Variants in ASTN1 observed in about 807,000 individuals in gnomAD.
ASTN1 encodes the protein astrotactin-1.
In ASTN1, 41 loss-of-function variants were observed where a neutral mutation model predicts 140.7. The observed-to-expected ratio is 0.29, with a 90% CI of 0.23 to 0.38. ASTN1 has a LOEUF of 0.38. Ranked by LOEUF, ASTN1 falls within the 10% of genes least tolerant of loss-of-function variation. The pLI is 1.00. For missense variants in ASTN1, 1,479 were observed against 1,678.8 expected (o/e 0.88, Z 2.08); for synonymous variants, 640 against 652.2 (o/e 0.98, Z 0.29).
intron 8 of ASTN1, among the ~76,000 whole-genome samples, chr1:176,993,987 G>T (rs1454655835): frequency 6.6e-6 from 1 of 151,944 alleles, no homozygotes; most frequent in Non-Finnish European, 1.5e-5. Flanking sequence ...CCATATCAGT[G>T]ACTCATTTAG....
Position 176,869,027 on chromosome 1 carries a change from T to C in ASTN1, c.3464A>G (p.Glu1155Gly), listed in dbSNP as rs1226448880. ...CPVVDDVKAQ[E>G]IADKIYNLFN... is the part of the protein sequence containing the mutation. ...GAGATTGTAGATCTTGTCTGCTATT[T>C]CTGAGGAAGGAGGAAAAGGAAAATA... Residue 1155 changes from glutamate (E) to glycine (G), a missense_variant and splice_region_variant, in exon 22 of 23, where the codon GAA (glutamate) becomes GGA (glycine). Coordinates refer to ENST00000361833, the MANE Select transcript of ASTN1 (RefSeq NM_004319.3). 1 of 1,577,302 alleles carries C rather than the reference T, an allele frequency of 6.3e-7. No individual in the cohort carries two copies. Among genetic ancestry groups the C allele is most frequent in the Admixed American group, 1.8e-5 (1 of 56,542 alleles).
At chr1:177,162,172 T>G (rs536847485) in intron 1 of ASTN1, among the ~76,000 whole-genome samples, 1 of 152,266 alleles carries the variant, frequency 6.6e-6, no homozygotes, top group East Asian at 1.9e-4. Context: ...CCACAAAAGT[T>G]AAATTCAAAA....
chr1:176,927,356 G>A (rs6696032), intron 16 of ASTN1, among the ~76,000 whole-genome samples: 4,343 of 152,174 alleles, frequency 0.029, 197 homozygotes, highest in African/African-American at 0.098. Flanking sequence ...AAGAAAAGGC[G>A]TTGGCAAAGG....
chr1:176,903,946 T>A (rs1669874954), intron 16 of ASTN1, among the ~76,000 whole-genome samples: 1 of 152,200 alleles, frequency 6.6e-6, no homozygotes, highest in Non-Finnish European at 1.5e-5. Flanking sequence ...CTCACACTAA[T>A]CTTGGCCTCA....
At chr1:177,079,920 AT>A (rs1679095639) in intron 1 of ASTN1, among the ~76,000 whole-genome samples, 1 of 152,078 alleles carries the variant, frequency 6.6e-6, no homozygotes, top group Non-Finnish European at 1.5e-5. Flanking sequence ...TAAAAATGTA[AT>A]TCTTTGTATT....
intron 1 of ASTN1, among the ~76,000 whole-genome samples, chr1:177,103,628 C>T (rs961799941): frequency 1.3e-5 from 2 of 152,220 alleles, no homozygotes; most frequent in South Asian, 4.2e-4. Context: ...AACTTAATAG[C>T]TGGCACATGA....
chr1:176,959,967 A>T (rs1672587019), intron 9 of ASTN1, among the ~76,000 whole-genome samples: 1 of 152,184 alleles, frequency 6.6e-6, no homozygotes, highest in Non-Finnish European at 1.5e-5. Flanking sequence ...ATAGAAGATC[A>T]TCACTTCATT....
intron 16 of ASTN1, among the ~76,000 whole-genome samples, chr1:176,899,807 G>T (rs1377149756): frequency 1.3e-5 from 2 of 152,132 alleles, no homozygotes; most frequent in Non-Finnish European, 2.9e-5. Flanking sequence ...TGGACAGAGA[G>T]ATCACTATGG....
chr1:177,110,076 A>G (rs1460094827), intron 1 of ASTN1, among the ~76,000 whole-genome samples: 1 of 152,234 alleles, frequency 6.6e-6, no homozygotes, highest in Non-Finnish European at 1.5e-5. Context: ...TACCAATAAA[A>G]CACATTAATA....
chr1:176,901,428 A>G (rs1393999463), intron 16 of ASTN1, among the ~76,000 whole-genome samples: 1 of 152,178 alleles, frequency 6.6e-6, no homozygotes, highest in East Asian at 1.9e-4. Context: ...GCAAAAGGGT[A>G]TATCTGGTGT....
chr1:176,907,716 A>G (rs527773302), intron 16 of ASTN1, among the ~76,000 whole-genome samples: 2 of 152,348 alleles, frequency 1.3e-5, no homozygotes, highest in Non-Finnish European at 2.9e-5. Context: ...GCCCCATTCA[A>G]TGGGATGAAC....
chr1:176,922,395 G>C (rs1240197413), intron 16 of ASTN1, among the ~76,000 whole-genome samples: 1 of 151,880 alleles, frequency 6.6e-6, no homozygotes, highest in African/African-American at 2.4e-5. Context: ...GTGCCTGACA[G>C]CTCCTTTGCA....
In ASTN1 at chr1:177,143,226, AT is replaced by A. The variant is rs777326030; in HGVS notation, c.283+21167del. Among the ~76,000 whole-genome samples the A allele has an allele frequency of 4.6e-5, 7 of 152,344 alleles. No homozygotes were observed. The South Asian group carries it at 1.4e-3, about 32-fold the overall frequency. On this transcript the variant is annotated intron_variant, in intron 1 of 22. Coordinates refer to ENST00000361833, the MANE Select transcript of ASTN1 (RefSeq NM_004319.3). Reference sequence around the variant, plus strand: ...ATGTTGGAGAAAACCCATTAACTGGATAATTTACATTTCCCTCTCAAATCTC... The same window carrying A: ...ATGTTGGAGAAAACCCATTAACTGGAAATTTACATTTCCCTCTCAAATCTC...
rs781170500 is a variant in ASTN1, at chr1:177,089,997, A to C, written c.284-28732T>G. On this transcript the variant is annotated intron_variant, in intron 1 of 22. Coordinates refer to ENST00000361833, the MANE Select transcript of ASTN1 (RefSeq NM_004319.3). ...CTTACTCACATGAACCTACATGTAC[A>C]CACATGTAAAACACACACACAACAC... 4.9e-4 allele frequency among the ~76,000 whole-genome samples: 75 copies of C among 152,046 alleles called. 1 individual carries two copies. The highest frequency in any genetic ancestry group is 2.8e-4 in the Non-Finnish European group (19 of 68,008).
Position 177,164,700 on chromosome 1 carries a change from C to A in ASTN1, c.-24G>T. 6.6e-7 allele frequency: 1 copy of A among 1,524,024 alleles called. No individual in the cohort carries two copies. Among genetic ancestry groups the A allele is most frequent in the Non-Finnish European group, 8.8e-7 (1 of 1,139,184 alleles). The allele number at this position is 1,524,024 out of a possible 1,614,324, so 94.4% of individuals were successfully genotyped here. ...ATCTTGAGCCCCGGCCGCCTTCCTC[C>A]TAGCGCTGCGATGGTGGGGGAGGAA... On this transcript the variant is annotated 5_prime_UTR_variant, in exon 1 of 23. In the 5' UTR this introduces an upstream ATG that the reference lacks. Transcript: ENST00000361833.
chr1:177,141,179 G>A (rs555387297), intron 1 of ASTN1, among the ~76,000 whole-genome samples: 5 of 152,268 alleles, frequency 3.3e-5, no homozygotes, highest in Non-Finnish European at 5.9e-5. Flanking sequence ...TCGTGCCATT[G>A]CACTCCAGCC....
At chr1:176,960,739 C>T (rs1672622628) in intron 9 of ASTN1, among the ~76,000 whole-genome samples, 1 of 152,184 alleles carries the variant, frequency 6.6e-6, no homozygotes, top group African/African-American at 2.4e-5. Flanking sequence ...GAGACCTGAC[C>T]ATAGTTCCTA....
intron 11 of ASTN1, among the ~76,000 whole-genome samples, chr1:176,954,420 A>C (rs1672316437): frequency 6.6e-6 from 1 of 152,190 alleles, no homozygotes; most frequent in South Asian, 2.1e-4. Context: ...TGCAAAAGGC[A>C]AGGGAATGGA....
At chr1:177,042,682 A>G (rs1273456262) in intron 2 of ASTN1, among the ~76,000 whole-genome samples, 1 of 152,256 alleles carries the variant, frequency 6.6e-6, no homozygotes, top group East Asian at 1.9e-4. Flanking sequence ...TAAAAATTAT[A>G]ATTTCCATTT....
Sources: allele counts gnomAD v4.1 joint callset (sites outside exome capture counted in the v4.1 genomes callset), GRCh38; gene constraint gnomAD v4.1.1; transcripts MANE v1.5; gene names NCBI Gene and HGNC (gene_info 2026-07-23, HGNC 2026-07-21).